Variants in MBP observed in about 807,000 individuals in gnomAD.
The protein encoded by MBP is Golli-MBP.
Under a neutral mutation model 35.8 loss-of-function variants are expected in MBP, and 16 were observed. The ratio of observed to expected loss-of-function variants is 0.45; its 90% confidence interval spans 0.30 to 0.68. MBP has a LOEUF of 0.68. Among genes scored for constraint, MBP ranks in the 30% least tolerant of loss-of-function variants. The pLI is 0.08. For synonymous variants in MBP, 143 were observed against 159.6 expected (o/e 0.90, Z 0.78); for missense variants, 380 against 404.7 (o/e 0.94, Z 0.52).
In MBP at chr18:77,036,772, G is replaced by C. The variant is rs1226476722; in HGVS notation, c.140-19504C>G. Among the ~76,000 whole-genome samples the C allele has an allele frequency of 2.8e-5, 4 of 142,612 alleles. 1 individual carries two copies. Among genetic ancestry groups the C allele is most frequent in the African/African-American group, 1.1e-4 (4 of 37,366 alleles). 93.6% of individuals were successfully genotyped at this position (142,612 alleles called of 152,430 possible). Reference sequence around the variant, plus strand: ...TGGAGACTGAGCTGAGCAAGTGCTGGTCACATTTTGGAGACAGAGCTGAGC... The same window carrying C: ...TGGAGACTGAGCTGAGCAAGTGCTGCTCACATTTTGGAGACAGAGCTGAGC... On this transcript the variant is annotated intron_variant, in intron 3 of 8. Coordinates refer to ENST00000355994, the MANE Select transcript of MBP (RefSeq NM_001025101.2).
chr18:77,077,631 G>A (rs767967182), intron 2 of MBP, among the ~76,000 whole-genome samples: 11 of 152,122 alleles, frequency 7.2e-5, no homozygotes, highest in Non-Finnish European at 1.2e-4. Flanking sequence ...GTGACTCCTC[G>A]ATGCTGGGCC....
intron 3 of MBP, among the ~76,000 whole-genome samples, chr18:77,042,797 A>G (rs1973072593): frequency 6.6e-6 from 1 of 152,266 alleles, no homozygotes; most frequent in Non-Finnish European, 1.5e-5. Flanking sequence ...CCTGCCCGGT[A>G]CCAGCTCGTG....
At chr18:77,123,718 G>T (rs1976956756) in intron 1 of MBP, among the ~76,000 whole-genome samples, 1 of 152,228 alleles carries the variant, frequency 6.6e-6, no homozygotes. Flanking sequence ...CCCCTCTCCT[G>T]GTGAGCAGGT....
chr18:76,994,863 T>C (rs1970185447), intron 4 of MBP, among the ~76,000 whole-genome samples: 1 of 152,244 alleles, frequency 6.6e-6, no homozygotes, highest in South Asian at 2.1e-4. Context: ...GGAATAATTT[T>C]CATAGGATCA....
At chr18:77,130,923 G>T (rs1268642365) in intron 1 of MBP, among the ~76,000 whole-genome samples, 1 of 151,170 alleles carries the variant, frequency 6.6e-6, no homozygotes, top group African/African-American at 2.4e-5. Flanking sequence ...CCCGGAGTTA[G>T]TAGAAGTGGT....
chr18:77,129,687 C>G (rs1977175410), intron 1 of MBP, among the ~76,000 whole-genome samples: 1 of 152,146 alleles, frequency 6.6e-6, no homozygotes, highest in Non-Finnish European at 1.5e-5. Flanking sequence ...TCCAATGGGC[C>G]AACAGAAGTG....
Position 76,979,419 on chromosome 18 carries a change from T to G in MBP, c.*1008A>C, listed in dbSNP as rs1180783715. ...GGAGGAAGTGAATGAGCCGGTTATC[T>G]TCTCAGGGAGGGTTAGTGCTGGCCA... On this transcript the variant is annotated 3_prime_UTR_variant, in exon 9 of 9. Transcript: ENST00000355994. 6.5e-6 allele frequency: 1 copy of G among 153,168 alleles called. No homozygotes were observed. Among genetic ancestry groups the G allele is most frequent in the Non-Finnish European group, 1.5e-5 (1 of 68,796 alleles). The allele number at this position is 153,168 out of a possible 1,614,324, so 9.5% of individuals were successfully genotyped here.
intron 2 of MBP, among the ~76,000 whole-genome samples, chr18:77,082,055 T>C (rs547831321): frequency 6.6e-6 from 1 of 151,210 alleles, no homozygotes; most frequent in East Asian, 2.0e-4. Flanking sequence ...GGTTTCACTG[T>C]GTTAGCCGGG....
At chr18:77,017,754 G>A (rs927155847) in intron 3 of MBP, 2 of 152,730 alleles carry the variant, frequency 1.3e-5, no homozygotes, top group Non-Finnish European at 2.9e-5. Flanking sequence ...ATTCATGCAT[G>A]AAAGAAGTGG....
chr18:77,055,161 C>T (rs1973671945), intron 3 of MBP, among the ~76,000 whole-genome samples: 1 of 152,202 alleles, frequency 6.6e-6, no homozygotes. Context: ...GTGTCTGTAC[C>T]ACCTTCTGTG....
intron 3 of MBP, among the ~76,000 whole-genome samples, chr18:77,042,023 A>G (rs1215315574): frequency 6.6e-6 from 1 of 152,142 alleles, no homozygotes; most frequent in East Asian, 1.9e-4. Context: ...ACCAGTGAAA[A>G]GAGGCGCACT....
At chr18:77,029,789 C>CAA (rs1380235754) in intron 3 of MBP, among the ~76,000 whole-genome samples, 11 of 102,816 alleles carry the variant, frequency 1.1e-4, no homozygotes, top group East Asian at 5.9e-4. Flanking sequence ...CACACACACA[C>CAA]ACAAACACAC....
chr18:77,056,308 T>G (rs1568316430), intron 3 of MBP, among the ~76,000 whole-genome samples: 1 of 152,230 alleles, frequency 6.6e-6, no homozygotes, highest in Non-Finnish European at 1.5e-5. Context: ...TCCGGGGGAT[T>G]AAACCTTGAA....
rs559373721 is a variant in MBP, at chr18:77,044,567, G to T, written c.139+21731C>A. Reference sequence around the variant, plus strand: ...TCGGCCTCGCTGTCTCACATCACTCGCCTCCCTACCCCACCTCCCTCCTCG... The same window carrying T: ...TCGGCCTCGCTGTCTCACATCACTCTCCTCCCTACCCCACCTCCCTCCTCG... On this transcript the variant is annotated intron_variant, in intron 3 of 8. Transcript: ENST00000355994. The surrounding 1 kb of genome is among the most constrained non-coding windows in gnomAD (Gnocchi z 4.4). Among the ~76,000 whole-genome samples, 10 of 152,022 alleles carry T rather than the reference G, an allele frequency of 6.6e-5. No individual in the cohort carries two copies. The highest frequency in any genetic ancestry group is 1.5e-4 in the Non-Finnish European group (10 of 67,970).
At chr18:77,092,016 T>C (rs1430640152) in intron 2 of MBP, among the ~76,000 whole-genome samples, 1 of 152,274 alleles carries the variant, frequency 6.6e-6, no homozygotes, top group Non-Finnish European at 1.5e-5. Flanking sequence ...CTGGATTTTT[T>C]AGGTTTCATC....
intron 3 of MBP, among the ~76,000 whole-genome samples, chr18:77,055,389 C>A (rs1973678857): frequency 6.6e-6 from 1 of 152,202 alleles, no homozygotes; most frequent in Non-Finnish European, 1.5e-5. Context: ...CAAAGCCCAA[C>A]CCCTGACCCA....
chr18:77,061,474 C>G (rs535408351), intron 3 of MBP, among the ~76,000 whole-genome samples: 16 of 152,338 alleles, frequency 1.1e-4, no homozygotes, highest in African/African-American at 3.8e-4. Context: ...ATGATTACCC[C>G]TACTTACGTA....
Position 76,985,550 on chromosome 18 carries a change from A to G in MBP, c.751-656T>C, listed in dbSNP as rs1042046808. On this transcript the variant is annotated intron_variant, in intron 7 of 8. Coordinates refer to ENST00000355994, the MANE Select transcript of MBP (RefSeq NM_001025101.2). ...GAGCAGGAATCAGTCTCCCTTGGCCATAGCTCGGACTGGGAGCAACAGGAG... is the reference window on the plus strand; with the variant it reads ...GAGCAGGAATCAGTCTCCCTTGGCCGTAGCTCGGACTGGGAGCAACAGGAG... 9.0e-6 allele frequency: 10 copies of G among 1,114,936 alleles called. No homozygotes were observed. The East Asian group carries it at 3.5e-4, about 40-fold the overall frequency. The allele number at this position is 1,114,936 out of a possible 1,614,324, so 69.1% of individuals were successfully genotyped here.
intron 3 of MBP, among the ~76,000 whole-genome samples, chr18:77,043,699 C>A (rs140269802): frequency 2.8e-4 from 43 of 152,318 alleles, no homozygotes; most frequent in Non-Finnish European, 5.1e-4. Flanking sequence ...GTGCGTGCCC[C>A]GCACCCCGTG....
Sources: gnomAD v4.1 joint callset for allele counts (sites outside exome capture counted in the v4.1 genomes callset) on GRCh38, gnomAD v4.1.1 for gene constraint, Gnocchi (gnomAD v3.1) non-coding constraint, MANE v1.5 for transcripts, NCBI Gene and HGNC (gene_info 2026-07-23, HGNC 2026-07-21) for gene names.